Variants in RSF1 observed in about 807,000 individuals in gnomAD.
The protein encoded by RSF1 is remodeling and spacing factor 1, also known as HBV pX-associated protein 8.
Under a neutral mutation model 145.2 loss-of-function variants are expected in RSF1, and 13 were observed. The observed-to-expected ratio is 0.09, with a 90% CI of 0.06 to 0.14. The LOEUF is 0.14. Ranked by LOEUF, RSF1 falls within the 10% of genes least tolerant of loss-of-function variation. RSF1 has a pLI of 1.00. For synonymous variants in RSF1, 577 were observed against 592.6 expected (o/e 0.97, Z 0.38); for missense variants, 1,517 against 1,718.2 (o/e 0.88, Z 2.07).
In RSF1 at chr11:77,693,626, C is replaced by T. The variant is rs1803252763; in HGVS notation, c.2716-15G>A. On this transcript the variant is annotated splice_polypyrimidine_tract_variant and intron_variant, in intron 7 of 15. Transcript: ENST00000308488. ...CACAGAAGAATCTGAAATAACCACACTGATGTCAACCTAACTATGACTAAA... is the reference window on the plus strand; with the variant it reads ...CACAGAAGAATCTGAAATAACCACATTGATGTCAACCTAACTATGACTAAA... 2 of 1,576,472 alleles carry T rather than the reference C, an allele frequency of 1.3e-6. No homozygotes were observed. The highest frequency in any genetic ancestry group is 1.1e-5 in the South Asian group (1 of 89,616).
rs112870411 is a variant in RSF1 at position 77,693,567 on chromosome 11, G to A, written c.2760C>T (p.Cys920=). 2.1e-5 allele frequency: 34 copies of A among 1,613,938 alleles called. 1 individual carries two copies. The African/African-American group carries it at 3.2e-4, about 15-fold the overall frequency. ...GGATGATCATCAGAGGAGGGCGAAG[G>A]CAGGCAGTATGGTATCCACTATCGC... ...DSCDSGYHTA[C]LRPPLMIIPD... Residue 920 remains cysteine, a synonymous_variant, in exon 8 of 16, where the codon TGC becomes TGT. Transcript: ENST00000308488.
intron 7 of RSF1, 138 bp from the exon 8 acceptor site, chr11:77,693,749 T>G (rs1011900644): frequency 3.9e-5 from 15 of 382,534 alleles, no homozygotes; most frequent in Non-Finnish European, 7.1e-5. Flanking sequence ...AAAGCTCTGA[T>G]GATTAGGGAT....
intron 1 of RSF1, among the ~76,000 whole-genome samples, chr11:77,792,189 C>A (rs570625781): frequency 9.2e-5 from 14 of 152,284 alleles, no homozygotes; most frequent in African/African-American, 2.6e-4. Flanking sequence ...GAAACTCCCC[C>A]TTATAGTAAC....
intron 4 of RSF1, chr11:77,739,304 C>T (rs1436105318): frequency 6.6e-6 from 1 of 152,610 alleles, no homozygotes; most frequent in Non-Finnish European, 1.5e-5. Flanking sequence ...GTCATATTTT[C>T]TTCATCTACA....
intron 1 of RSF1, among the ~76,000 whole-genome samples, chr11:77,812,747 G>A (rs527953847): frequency 2.6e-5 from 4 of 152,108 alleles, no homozygotes; most frequent in East Asian, 1.9e-4. Context: ...AAAATTAGCT[G>A]GGCGTGGTGG....
chr11:77,847,465 C>G, the RSF1 span, among the ~76,000 whole-genome samples: 2 of 152,298 alleles, frequency 1.3e-5, no homozygotes, highest in African/African-American at 4.8e-5. Flanking sequence ...GAACTGCATG[C>G]ACTCATTGAT....
chr11:77,854,466 G>A, the RSF1 span, among the ~76,000 whole-genome samples: 1 of 152,198 alleles, frequency 6.6e-6, no homozygotes, highest in African/African-American at 2.4e-5. Flanking sequence ...TTCCAAAAGT[G>A]AGAAATTATC....
chr11:77,842,707 G>A, the RSF1 span: 364 of 1,559,682 alleles, frequency 2.3e-4, 2 homozygotes, highest in Middle Eastern at 4.4e-3. Flanking sequence ...ATGACTAAGT[G>A]AAAAACTATT....
intron 4 of RSF1, chr11:77,734,596 T>G: frequency 6.5e-7 from 1 of 1,529,254 alleles, no homozygotes; most frequent in Non-Finnish European, 8.9e-7. Flanking sequence ...TTTGATGGCT[T>G]TCACCTGCTC....
intron 5 of RSF1, among the ~76,000 whole-genome samples, chr11:77,708,904 T>C (rs1243425995): frequency 6.6e-6 from 1 of 152,222 alleles, no homozygotes; most frequent in Non-Finnish European, 1.5e-5. Context: ...TATTATTAGC[T>C]TCCCAAGCCA....
chr11:77,684,964 GC>G (rs1418848639), intron 10 of RSF1, 140 bp downstream of exon 10: 1 of 407,460 alleles, frequency 2.5e-6, no homozygotes, highest in African/African-American at 2.2e-5. Flanking sequence ...TCCAGTCTGG[GC>G]AACAAGAACG....
intron 15 of RSF1, among the ~76,000 whole-genome samples, chr11:77,668,036 C>T (rs1187682053): frequency 6.6e-6 from 1 of 151,098 alleles, no homozygotes; most frequent in Non-Finnish European, 1.5e-5. Flanking sequence ...CTCACTCTGT[C>T]TCCCAGGCTG....
the RSF1 span, chr11:77,868,682 TG>T: frequency 5.7e-6 from 1 of 176,850 alleles, no homozygotes; most frequent in Non-Finnish European, 1.3e-5. Context: ...TTTTTGTTGT[TG>T]TTGTTGTTGT....
At chr11:77,709,567 T>C (rs2135864770) in intron 5 of RSF1, among the ~76,000 whole-genome samples, 1 of 152,318 alleles carries the variant, frequency 6.6e-6, no homozygotes, top group Non-Finnish European at 1.5e-5. Context: ...GACTTAACAG[T>C]TTCCAAAATG....
intron 5 of RSF1, among the ~76,000 whole-genome samples, chr11:77,710,542 T>A (rs1033970155): frequency 6.6e-6 from 1 of 152,206 alleles, no homozygotes; most frequent in African/African-American, 2.4e-5. Flanking sequence ...ATTCCCATGT[T>A]CCTCTGTTCT....
chr11:77,846,562 C>T, the RSF1 span, among the ~76,000 whole-genome samples: 23 of 152,072 alleles, frequency 1.5e-4, no homozygotes, highest in African/African-American at 5.1e-4. Context: ...CAAAATTAGC[C>T]GGGTGTGGTG....
chr11:77,759,156 AAGCTGTCAT>A (rs1461836959), intron 2 of RSF1, among the ~76,000 whole-genome samples: 15 of 152,186 alleles, frequency 9.9e-5, no homozygotes, highest in Admixed American at 3.9e-4. Flanking sequence ...TGTATTTTGC[AAGCTGTCAT>A]AGTTCAACAA....
At chr11:77,710,019 A>G (rs549434659) in intron 5 of RSF1, among the ~76,000 whole-genome samples, 1 of 152,310 alleles carries the variant, frequency 6.6e-6, no homozygotes, top group African/African-American at 2.4e-5. Context: ...AAACCACACA[A>G]AACAAATGCA....
At position 77,690,977 on chromosome 11, in the gene RSF1, T is replaced by A. The variant is rs926496044; in HGVS notation, c.2900+182A>T. On this transcript the variant is annotated intron_variant, in intron 9 of 15. Coordinates refer to ENST00000308488, the MANE Select transcript of RSF1 (RefSeq NM_016578.4). ...ATATGATTCTAGTTTTTCCCCCCAA[T>A]CATTTAAAAACATAAAAAACATTCT... 3 of 533,338 alleles carry A rather than the reference T, an allele frequency of 5.6e-6. No individual in the cohort carries two copies. The African/African-American group carries it at 5.7e-5, about 10-fold the overall frequency. 33.0% of individuals were successfully genotyped at this position (533,338 alleles called of 1,614,324 possible).
Sources: gnomAD v4.1 joint callset for allele counts (sites outside exome capture counted in the v4.1 genomes callset) on GRCh38, gnomAD v4.1.1 for gene constraint, MANE v1.5 for transcripts, NCBI Gene and HGNC (gene_info 2026-07-23, HGNC 2026-07-21) for gene names.